The following TMEM64 variants were observed in gnomAD, a reference collection of about 807,000 sequenced individuals.
The protein encoded by TMEM64 is transmembrane protein 64.
A neutral mutation model predicts 24.5 loss-of-function variants in TMEM64; 19 were observed. That is an observed-to-expected ratio of 0.78 (90% CI 0.54 to 1.14). TMEM64 has a LOEUF of 1.14. Among genes scored for constraint, TMEM64 ranks in the 50% most tolerant of loss-of-function variants. The probability of loss-of-function intolerance (pLI) is 0.00; values close to 1 mark genes in which losing one functional copy is unlikely to be tolerated. For missense variants in TMEM64, 487 were observed against 493.0 expected (o/e 0.99, Z 0.12); for synonymous variants, 262 against 224.7 (o/e 1.17, Z -1.49).
chr8:90,626,011 C>T, intron 2 of TMEM64, 149 bp from the exon 3 acceptor site: 1 of 622,010 alleles, frequency 1.6e-6, no homozygotes, highest in Non-Finnish European at 2.7e-6. Context: ...ATAGTTTACA[C>T]ACAGTTATTG....
intron 1 of TMEM64, among the ~76,000 whole-genome samples, chr8:90,635,247 A>G (rs1386080384): frequency 6.6e-6 from 1 of 152,162 alleles, no homozygotes; most frequent in East Asian, 1.9e-4. Context: ...CTTTTTGGGA[A>G]GAGAGGGATT....
rs1809689368 is a variant in TMEM64, at chr8:90,645,725, C to T, written c.181G>A (p.Ala61Thr). 1 of 1,184,664 alleles carries T rather than the reference C, an allele frequency of 8.4e-7. No individual in the cohort carries two copies. The highest frequency in any genetic ancestry group is 1.0e-6 in the Non-Finnish European group (1 of 959,078). The allele number at this position is 1,184,664 out of a possible 1,614,324, so 73.4% of individuals were successfully genotyped here. The stretch of plus-strand genomic sequence containing the variant: ...TAGGCGCCGAGCAGGGCGCCCGAGG[C>T]CGCCGCTGCTGCCGCCGCCGCGCTC... ...GASAAAAAAA[A>T]SGALLGAYLE... The change falls in exon 1 of 3, where the codon GCC (alanine) becomes ACC (threonine). Residue 61 changes from alanine (A) to threonine (T), a missense_variant. By Grantham distance (58) the Ala-to-Thr change is moderately conservative (BLOSUM62 0). Transcript: ENST00000458549. The surrounding 1 kb of genome is among the most constrained non-coding windows in gnomAD (Gnocchi z 4.2).
chr8:90,640,646 T>C (rs1421465290), intron 1 of TMEM64, among the ~76,000 whole-genome samples: 4 of 152,234 alleles, frequency 2.6e-5, no homozygotes, highest in African/African-American at 4.8e-5. Flanking sequence ...CCAAAAACTT[T>C]TATTTAGTTG....
rs1379294912 is a variant in TMEM64, at chr8:90,622,998, T to C, written c.*2673A>G. Reference sequence around the variant, plus strand: ...TGAATATGCTTAGTAAATTAGCATATACATTTTTTTTAAAGGTGCTATTGT... The same window carrying C: ...TGAATATGCTTAGTAAATTAGCATACACATTTTTTTTAAAGGTGCTATTGT... On this transcript the variant is annotated 3_prime_UTR_variant, in exon 3 of 3. Transcript: ENST00000458549. 3.3e-5 allele frequency: 5 copies of C among 151,158 alleles called. No homozygotes were observed. Among genetic ancestry groups the C allele is most frequent in the South Asian group, 4.2e-4 (2 of 4,800 alleles). The allele number at this position is 151,158 out of a possible 1,614,324, so 9.4% of individuals were successfully genotyped here.
chr8:90,632,795 T>C (rs2130500831), intron 1 of TMEM64, among the ~76,000 whole-genome samples: 1 of 152,320 alleles, frequency 6.6e-6, no homozygotes, highest in East Asian at 1.9e-4. Context: ...TCAAAAATAT[T>C]TCTAAAGTAT....
chr8:90,631,918 C>G lies in TMEM64; in HGVS notation c.796-211G>C, dbSNP rs58040450. ...TGAAATAAAAGTAAATTTTAATATT[C>G]TATTATACTACCATTGAAAGGTAAC... On this transcript the variant is annotated intron_variant, in intron 1 of 2. Coordinates refer to ENST00000458549, the MANE Select transcript of TMEM64 (RefSeq NM_001008495.4). 4.7e-3 allele frequency among the ~76,000 whole-genome samples: 712 copies of G among 152,270 alleles called. 6 individuals carry two copies. The highest frequency in any genetic ancestry group is 0.016 in the African/African-American group (676 of 41,552).
chr8:90,636,342 G>A (rs1321471388), intron 1 of TMEM64, among the ~76,000 whole-genome samples: 6 of 152,022 alleles, frequency 3.9e-5, no homozygotes, highest in African/African-American at 1.2e-4. Flanking sequence ...TGCAACCTCC[G>A]CCTCCCAGGT....
intron 1 of TMEM64, among the ~76,000 whole-genome samples, chr8:90,637,074 T>C (rs1229978161): frequency 6.6e-6 from 1 of 152,046 alleles, no homozygotes; most frequent in East Asian, 1.9e-4. Context: ...ACTTCACCAC[T>C]ATACCAAATA....
At position 90,645,251 on chromosome 8, in the gene TMEM64, C is replaced by A. The variant is rs1809671650; in HGVS notation, c.655G>T (p.Ala219Ser). Residue 219 changes from alanine (A) to serine (S), a missense_variant, in exon 1 of 3, where the codon GCC (alanine) becomes TCC (serine). Physicochemically the swap from Ala to Ser is moderately conservative, Grantham distance 99. Coordinates refer to ENST00000458549, the MANE Select transcript of TMEM64 (RefSeq NM_001008495.4). This position sits in a 1 kb window ranked among gnomAD's most constrained non-coding sequence, Gnocchi z 4.2. ...CTCTGGATCCTGGCGGCCACCCAGG[C>A]GGTGAGGAGCCGCTTGCAGACCACA... The part of the protein sequence containing the change: ...AHVVCKRLLT[A>S]WVAARIQSSE... The A allele has an allele frequency of 1.2e-6, 2 of 1,613,164 alleles. No homozygotes were observed. The highest frequency in any genetic ancestry group is 2.2e-5 in the East Asian group (1 of 44,852).
In TMEM64 at chr8:90,645,094, A is replaced by T. The variant is rs776909047; in HGVS notation, c.795+17T>A. The T allele has an allele frequency of 6.3e-7, 1 of 1,590,534 alleles. No homozygotes were observed. Among genetic ancestry groups the T allele is most frequent in the Non-Finnish European group, 8.6e-7 (1 of 1,164,546 alleles). ...AAACAGACTTGGAGAGGGATAGGCC[A>T]GCGGGACCCCACTTACCGAAAACAC... On this transcript the variant is annotated intron_variant, in intron 1 of 2. Transcript: ENST00000458549. The surrounding 1 kb of genome is among the most constrained non-coding windows in gnomAD (Gnocchi z 4.2).
Position 90,645,656 on chromosome 8 carries a change from G to C in TMEM64, c.250C>G (p.Pro84Ala). The change falls in exon 1 of 3, where the codon CCG becomes GCG. Residue 84 changes from proline (P) to alanine (A), a missense_variant. By Grantham distance (27) the Pro-to-Ala change is conservative (BLOSUM62 -1). Around this residue, in one of 3 missense-constraint regions of TMEM64, gnomAD observed 419 missense variants for 407.5 expected, o/e 1.03. Coordinates refer to ENST00000458549, the MANE Select transcript of TMEM64 (RefSeq NM_001008495.4). The surrounding 1 kb of genome is among the most constrained non-coding windows in gnomAD (Gnocchi z 4.2). ...GGGCCGCCCGCCAAGGCCCCGCCCGGCTCCGGCAGCTCCGAAGCCTCGGGC... is the reference window on the plus strand; with the variant it reads ...GGGCCGCCCGCCAAGGCCCCGCCCGCCTCCGGCAGCTCCGAAGCCTCGGGC... ...GPPEASELPEPGGALAGGPGS... is the reference protein window; with the variant it reads ...GPPEASELPEAGGALAGGPGS... The C allele has an allele frequency of 6.6e-7, 1 of 1,525,308 alleles. No individual in the cohort carries two copies. 94.5% of individuals were successfully genotyped at this position (1,525,308 alleles called of 1,614,324 possible). A position where few individuals can be genotyped will look rare whatever the true frequency, so the allele number is the denominator to read the frequency against.
rs1413193614 is a variant in TMEM64, at chr8:90,645,662, G to T, written c.244C>A (p.Pro82Thr). 1.3e-6 allele frequency: 2 copies of T among 1,524,870 alleles called. No homozygotes were observed. Among genetic ancestry groups the T allele is most frequent in the Admixed American group, 2.0e-5 (1 of 49,694 alleles). 94.5% of individuals were successfully genotyped at this position (1,524,870 alleles called of 1,614,324 possible). Reference sequence around the variant, plus strand: ...CCCGCCAAGGCCCCGCCCGGCTCCGGCAGCTCCGAAGCCTCGGGCGGACCG... The same window carrying T: ...CCCGCCAAGGCCCCGCCCGGCTCCGTCAGCTCCGAAGCCTCGGGCGGACCG... ...RHGPPEASEL[P>T]EPGGALAGGP... The change falls in exon 1 of 3, where the codon CCG (proline) becomes ACG (threonine). Residue 82 changes from proline (P) to threonine (T), a missense_variant. Physicochemically the swap from Pro to Thr is conservative, Grantham distance 38 (BLOSUM62 -1). Coordinates refer to ENST00000458549, the MANE Select transcript of TMEM64 (RefSeq NM_001008495.4). The surrounding 1 kb of genome is among the most constrained non-coding windows in gnomAD (Gnocchi z 4.2).
chr8:90,645,789 C>G lies in TMEM64; in HGVS notation c.117G>C (p.Gly39=). Residue 39 remains glycine (G), a synonymous_variant, in exon 1 of 3, where the codon GGG becomes GGC. Transcript: ENST00000458549. The surrounding 1 kb of genome is among the most constrained non-coding windows in gnomAD (Gnocchi z 4.2). Reference sequence around the variant, plus strand: ...GGGGAAGGCGGTCCGCCGGGCCGTCCCCGCCCGCACCCCGCGGCAGGGCCC... The same window carrying G: ...GGGGAAGGCGGTCCGCCGGGCCGTCGCCGCCCGCACCCCGCGGCAGGGCCC... ...ARWALPRGAG[G]DGPADRLPRG... The G allele has an allele frequency of 9.8e-7, 1 of 1,018,680 alleles. No homozygotes were observed. Among genetic ancestry groups the G allele is most frequent in the Non-Finnish European group, 1.2e-6 (1 of 853,564 alleles). 63.1% of individuals were successfully genotyped at this position (1,018,680 alleles called of 1,614,324 possible).
chr8:90,635,403 A>AC (rs1554548922), intron 1 of TMEM64, among the ~76,000 whole-genome samples: 8 of 147,706 alleles, frequency 5.4e-5, no homozygotes, highest in Non-Finnish European at 1.0e-4. Flanking sequence ...ATTTTATTTT[A>AC]TTTTTTTTGA....
chr8:90,633,490 G>A (rs765242537), intron 1 of TMEM64, among the ~76,000 whole-genome samples: 11 of 152,190 alleles, frequency 7.2e-5, no homozygotes, highest in Non-Finnish European at 1.6e-4. Context: ...ATTGTTTTAA[G>A]CTACTAAGTT....
intron 1 of TMEM64, among the ~76,000 whole-genome samples, chr8:90,632,324 T>C (rs1194885211): frequency 2.0e-5 from 3 of 151,532 alleles, no homozygotes; most frequent in Non-Finnish European, 4.4e-5. Context: ...TTTGTTGTTG[T>C]TGTTGTTGTT....
At chr8:90,626,772 A>C (rs929288160) in intron 2 of TMEM64, among the ~76,000 whole-genome samples, 2 of 151,796 alleles carry the variant, frequency 1.3e-5, no homozygotes, top group African/African-American at 4.8e-5. Flanking sequence ...CTGGGATTAC[A>C]TGCATGCGCC....
Position 90,624,542 on chromosome 8 carries a change from C to G in TMEM64, c.*1129G>C, listed in dbSNP as rs182121033. The G allele has an allele frequency of 6.6e-6, 1 of 152,394 alleles. No homozygotes were observed. The highest frequency in any genetic ancestry group is 1.5e-5 in the Non-Finnish European group (1 of 67,924). 9.4% of individuals were successfully genotyped at this position (152,394 alleles called of 1,614,324 possible). ...CATGCTACAAGAGAAAGAATTGAGA[C>G]AATTTCACATTTCAGAATTCCTGAG... On this transcript the variant is annotated 3_prime_UTR_variant, in exon 3 of 3. Coordinates refer to ENST00000458549, the MANE Select transcript of TMEM64 (RefSeq NM_001008495.4).
In TMEM64 at chr8:90,645,025, T is replaced by C. The variant is rs1310385086; in HGVS notation, c.795+86A>G. On this transcript the variant is annotated intron_variant, in intron 1 of 2. Transcript: ENST00000458549. The surrounding 1 kb of genome is among the most constrained non-coding windows in gnomAD (Gnocchi z 4.2). ...TCAATGTCACTTCTCTGCTGGTATT[T>C]ATCTGATAGAGCGCCCTCCTAGGGC... 1.1e-5 allele frequency: 16 copies of C among 1,391,410 alleles called. No individual in the cohort carries two copies. Among genetic ancestry groups the C allele is most frequent in the South Asian group, 2.7e-5 (2 of 73,660 alleles). 86.2% of individuals were successfully genotyped at this position (1,391,410 alleles called of 1,614,324 possible). A position where few individuals can be genotyped will look rare whatever the true frequency, so the allele number is the denominator to read the frequency against.
Sources: gnomAD v4.1 joint callset for allele counts (sites outside exome capture counted in the v4.1 genomes callset) on GRCh38, gnomAD v4.1.1 for gene constraint, gnomAD v4.1.1 regional missense constraint, Gnocchi (gnomAD v3.1) non-coding constraint, MANE v1.5 for transcripts, NCBI Gene and HGNC (gene_info 2026-07-23, HGNC 2026-07-21) for gene names.